The following PLD1 variants were observed in gnomAD, a reference collection of about 807,000 sequenced individuals.
PLD1 encodes the protein choline phosphatase 1.
A neutral mutation model predicts 137.1 loss-of-function variants in PLD1; 112 were observed. That is an observed-to-expected ratio of 0.82 (90% confidence interval 0.70 to 0.96). PLD1 has a LOEUF of 0.96. PLD1 is among the 40% of genes least tolerant of loss of function. The pLI, the probability that PLD1 is intolerant of heterozygous loss-of-function variation, is 0.00. For missense variants in PLD1, 1,321 were observed against 1,342.0 expected (o/e 0.98, Z 0.24); for synonymous variants, 431 against 454.7 (o/e 0.95, Z 0.66).
intron 21 of PLD1, among the ~76,000 whole-genome samples, chr3:171,651,982 A>G (rs1259647807): frequency 1.3e-5 from 2 of 152,204 alleles, no homozygotes; most frequent in African/African-American, 4.8e-5. Flanking sequence ...AAGCATTTAC[A>G]TGACCTAAAT....
At chr3:171,620,756 AT>A (rs1733548640) in intron 23 of PLD1, among the ~76,000 whole-genome samples, 1 of 138,296 alleles carries the variant, frequency 7.2e-6, no homozygotes, top group Non-Finnish European at 1.5e-5. Context: ...ATATATATAT[AT>A]ATATATATAT....
intron 17 of PLD1, 139 bp from the exon 18 acceptor site, chr3:171,676,972 A>C: frequency 1.7e-6 from 1 of 601,052 alleles, no homozygotes; most frequent in South Asian, 2.1e-5. Flanking sequence ...ATAGAACAAC[A>C]TTTTTATAAT....
intron 12 of PLD1, among the ~76,000 whole-genome samples, chr3:171,698,285 A>G (rs1211777499): frequency 1.3e-5 from 2 of 152,232 alleles, no homozygotes; most frequent in Admixed American, 1.3e-4. Context: ...CGTATGATGA[A>G]TTATTTAATA....
intron 12 of PLD1, among the ~76,000 whole-genome samples, chr3:171,695,091 T>G (rs1715557516): frequency 6.6e-6 from 1 of 152,234 alleles, no homozygotes; most frequent in Non-Finnish European, 1.5e-5. Flanking sequence ...GGTCAAGGTA[T>G]TGACTATTAT....
intron 6 of PLD1, among the ~76,000 whole-genome samples, chr3:171,726,653 G>C (rs1718537238): frequency 6.6e-6 from 1 of 152,184 alleles, no homozygotes; most frequent in African/African-American, 2.4e-5. Context: ...CAGGCATAAT[G>C]AAAAGAATTA....
intron 16 of PLD1, among the ~76,000 whole-genome samples, chr3:171,680,322 G>T (rs1249777475): frequency 7.0e-6 from 1 of 141,968 alleles, no homozygotes; most frequent in Non-Finnish European, 1.5e-5. Context: ...TGCCTCCCAG[G>T]GCCAAGTGTT....
chr3:171,733,373 G>C (rs868735315), intron 6 of PLD1, 71 bp downstream of exon 6: 1 of 670,444 alleles, frequency 1.5e-6, no homozygotes, highest in Non-Finnish European at 2.7e-6. Flanking sequence ...TTATTAAAAT[G>C]ATCCAAAATT....
chr3:171,646,058 T>C (rs1265732798), intron 21 of PLD1, among the ~76,000 whole-genome samples: 1 of 152,162 alleles, frequency 6.6e-6, no homozygotes, highest in Non-Finnish European at 1.5e-5. Flanking sequence ...TGTAGCTTTC[T>C]CTCTTTGACG....
intron 23 of PLD1, among the ~76,000 whole-genome samples, chr3:171,638,537 T>A (rs1263982649): frequency 2.0e-5 from 3 of 152,280 alleles, no homozygotes; most frequent in African/African-American, 7.2e-5. Flanking sequence ...GGGAAAAGTA[T>A]GTGAAGAATT....
chr3:171,683,014 T>C (rs1005011448), intron 16 of PLD1, among the ~76,000 whole-genome samples: 1 of 152,228 alleles, frequency 6.6e-6, no homozygotes, highest in Non-Finnish European at 1.5e-5. Context: ...CTAACAAAGA[T>C]AGCATCATTG....
intron 1 of PLD1, chr3:171,793,039 CAGTGAAATT>C: frequency 4.2e-6 from 1 of 240,300 alleles, no homozygotes; most frequent in South Asian, 4.9e-5. Context: ...GAACACAAAC[CAGTGAAATT>C]TGCGTGATCT....
chr3:171,764,925 GAAAGAAAGGAAAGAAAGAAAGAAAGA>G (rs1721814504), intron 1 of PLD1, among the ~76,000 whole-genome samples: 4 of 28,020 alleles, frequency 1.4e-4, no homozygotes, highest in African/African-American at 5.8e-4. Flanking sequence ...AGAAAGAAAG[GAAAGAAAGGAAAGAAAGAAAGAAAGA>G]AAGAAAGAAA....
intron 1 of PLD1, among the ~76,000 whole-genome samples, chr3:171,773,203 G>A (rs1050452948): frequency 6.6e-6 from 1 of 152,182 alleles, no homozygotes; most frequent in Non-Finnish European, 1.5e-5. Context: ...AAAGTTAAGT[G>A]GTGGGCACCA....
At chr3:171,608,187 C>A (rs1266583028) in intron 25 of PLD1, among the ~76,000 whole-genome samples, 1 of 152,102 alleles carries the variant, frequency 6.6e-6, no homozygotes, top group Non-Finnish European at 1.5e-5. Context: ...AGCATAAGAT[C>A]AGCATTAAAA....
chr3:171,732,079 A>G (rs1036003773), intron 6 of PLD1, among the ~76,000 whole-genome samples: 1 of 152,232 alleles, frequency 6.6e-6, no homozygotes, highest in Non-Finnish European at 1.5e-5. Context: ...GCAGAAAAGT[A>G]AAAGAAATGG....
chr3:171,786,146 G>C (rs1723006099), intron 1 of PLD1, among the ~76,000 whole-genome samples: 1 of 152,106 alleles, frequency 6.6e-6, no homozygotes, highest in African/African-American at 2.4e-5. Context: ...CCTTAATGTA[G>C]GTTCGTGGCA....
At chr3:171,759,744 G>A (rs1337184178) in intron 1 of PLD1, among the ~76,000 whole-genome samples, 1 of 152,170 alleles carries the variant, frequency 6.6e-6, no homozygotes, top group Non-Finnish European at 1.5e-5. Context: ...ATTGCTAATT[G>A]TTTAGTTAAT....
chr3:171,779,181 C>T (rs933695377), intron 1 of PLD1, among the ~76,000 whole-genome samples: 1 of 152,050 alleles, frequency 6.6e-6, no homozygotes, highest in Non-Finnish European at 1.5e-5. Flanking sequence ...GCCTGGGGGA[C>T]AGGGCAAGAC....
At chr3:171,780,692 A>G (rs909322547) in intron 1 of PLD1, among the ~76,000 whole-genome samples, 6 of 152,222 alleles carry the variant, frequency 3.9e-5, no homozygotes, top group Admixed American at 1.3e-4. Flanking sequence ...AGAACTGACC[A>G]CTGGATACAG....
Sources: allele counts gnomAD v4.1 joint callset (sites outside exome capture counted in the v4.1 genomes callset), GRCh38; gene constraint gnomAD v4.1.1; transcripts MANE v1.5; gene names NCBI Gene and HGNC (gene_info 2026-07-23, HGNC 2026-07-21).